The following TENM3 variants were observed in gnomAD, a reference collection of about 807,000 sequenced individuals.
The protein encoded by TENM3 is teneurin-3.
Under a neutral mutation model 255.1 loss-of-function variants are expected in TENM3, and 63 were observed. That is an observed-to-expected ratio of 0.25 (90% CI 0.20 to 0.30). The LOEUF (loss-of-function observed/expected upper bound fraction) is 0.30. Ranked by LOEUF, TENM3 falls within the 10% of genes least tolerant of loss-of-function variation. The pLI is 1.00. For missense variants in TENM3, 2,929 were observed against 3,461.1 expected (o/e 0.85, Z 3.86); for synonymous variants, 1,306 against 1,322.3 (o/e 0.99, Z 0.27).
At chr4:182,384,956 G>C (rs1054462332) in intron 3 of TENM3, among the ~76,000 whole-genome samples, 1 of 152,214 alleles carries the variant, frequency 6.6e-6, no homozygotes, top group Admixed American at 6.5e-5. Context: ...TTAGCAGTCT[G>C]GCCTCAGTGC....
the TENM3 span, among the ~76,000 whole-genome samples, chr4:182,057,516 T>A: frequency 6.6e-6 from 1 of 151,224 alleles, no homozygotes; most frequent in Non-Finnish European, 1.5e-5. Flanking sequence ...GCTCAAGCGA[T>A]CCTCCTGCCT....
chr4:181,856,091 G>C, the TENM3 span, among the ~76,000 whole-genome samples: 1 of 130,170 alleles, frequency 7.7e-6, no homozygotes. Context: ...AGGAAGGAAG[G>C]AAAGGGAAAG....
chr4:181,625,682 C>G, the TENM3 span, among the ~76,000 whole-genome samples: 2 of 151,938 alleles, frequency 1.3e-5, no homozygotes, highest in Admixed American at 1.3e-4. Context: ...GGTGTGGCGG[C>G]AGGCGCCTGT....
intron 22 of TENM3, among the ~76,000 whole-genome samples, chr4:182,768,169 G>A (rs1167813246): frequency 6.6e-6 from 1 of 152,166 alleles, no homozygotes; most frequent in African/African-American, 2.4e-5. Flanking sequence ...CCTGGTGTAT[G>A]CGCTTCTCTA....
intron 16 of TENM3, among the ~76,000 whole-genome samples, chr4:182,731,635 A>T (rs1191870948): frequency 6.6e-6 from 1 of 152,046 alleles, no homozygotes; most frequent in Non-Finnish European, 1.5e-5. Flanking sequence ...ACCACGGATT[A>T]TAGAATTCCA....
the TENM3 span, among the ~76,000 whole-genome samples, chr4:181,715,832 G>C: frequency 2.0e-5 from 3 of 152,194 alleles, no homozygotes; most frequent in Admixed American, 2.0e-4. Context: ...GTACTTAATA[G>C]ATATTGGTGA....
chr4:182,780,433 G>C (rs1279280397), intron 24 of TENM3, among the ~76,000 whole-genome samples: 1 of 108,214 alleles, frequency 9.2e-6, no homozygotes, highest in African/African-American at 4.0e-5. Context: ...TTTGGTACCA[G>C]TACCATGCTG....
At chr4:181,812,046 T>C in the TENM3 span, among the ~76,000 whole-genome samples, 2,712 of 152,302 alleles carry the variant, frequency 0.018, 87 homozygotes, top group African/African-American at 0.062. Context: ...AGTTAACACA[T>C]TTTTTTAATT....
At chr4:182,298,288 C>T (rs1179668334) in intron 1 of TENM3, among the ~76,000 whole-genome samples, 3 of 152,148 alleles carry the variant, frequency 2.0e-5, no homozygotes, top group African/African-American at 4.8e-5. Context: ...ATCCTAGTCC[C>T]TGAGAAATAG....
intron 3 of TENM3, among the ~76,000 whole-genome samples, chr4:182,554,935 C>T (rs1319775931): frequency 1.3e-5 from 2 of 150,604 alleles, no homozygotes; most frequent in Non-Finnish European, 2.9e-5. Flanking sequence ...TAGTGAGCAG[C>T]TTGAAAGGTT....
chr4:181,465,353 A>C, the TENM3 span, among the ~76,000 whole-genome samples: 1 of 151,948 alleles, frequency 6.6e-6, no homozygotes, highest in East Asian at 1.9e-4. Context: ...TCTTGCATGG[A>C]ATAGACTGAC....
chr4:181,509,757 T>A, the TENM3 span, among the ~76,000 whole-genome samples: 1 of 152,210 alleles, frequency 6.6e-6, no homozygotes, highest in African/African-American at 2.4e-5. Flanking sequence ...TTAGAGAAAG[T>A]TGACACAAAT....
the TENM3 span, among the ~76,000 whole-genome samples, chr4:181,919,684 G>A: frequency 6.6e-6 from 1 of 151,714 alleles, no homozygotes; most frequent in South Asian, 2.1e-4. Flanking sequence ...CGGCATGAGG[G>A]ACCACCAAGG....
chr4:181,887,477 C>T, the TENM3 span, among the ~76,000 whole-genome samples: 345 of 151,838 alleles, frequency 2.3e-3, 3 homozygotes, highest in South Asian at 0.021. Context: ...TCTTTTTTTC[C>T]GTTTAGTTCT....
chr4:182,568,470 C>T (rs981942349), intron 3 of TENM3, among the ~76,000 whole-genome samples: 2 of 152,136 alleles, frequency 1.3e-5, no homozygotes, highest in Admixed American at 1.3e-4. Context: ...AAGTTTACCC[C>T]GTTAGAATGG....
the TENM3 span, among the ~76,000 whole-genome samples, chr4:181,803,951 A>G: frequency 2.0e-5 from 1 of 51,190 alleles, no homozygotes; most frequent in African/African-American, 4.9e-5. Flanking sequence ...AAAAAAAAAA[A>G]AAGAAAGAAA....
chr4:182,699,523 C>CA (rs1477602747), intron 12 of TENM3, among the ~76,000 whole-genome samples: 2 of 152,076 alleles, frequency 1.3e-5, no homozygotes, highest in African/African-American at 4.8e-5. Flanking sequence ...ATTATTATCT[C>CA]AAGGAAATTT....
At chr4:181,988,523 A>AGAT in the TENM3 span, among the ~76,000 whole-genome samples, 1 of 152,054 alleles carries the variant, frequency 6.6e-6, no homozygotes, top group African/African-American at 2.4e-5. Context: ...TTCTTGTGGA[A>AGAT]GATGATGATG....
chr4:181,931,776 A>C, the TENM3 span, among the ~76,000 whole-genome samples: 1 of 152,070 alleles, frequency 6.6e-6, no homozygotes, highest in East Asian at 1.9e-4. Context: ...ATACTACAAG[A>C]CTACAGTAAC....
Sources: gnomAD v4.1 joint callset for allele counts (sites outside exome capture counted in the v4.1 genomes callset) on GRCh38, gnomAD v4.1.1 for gene constraint, MANE v1.5 for transcripts, NCBI Gene and HGNC (gene_info 2026-07-23, HGNC 2026-07-21) for gene names.